PER1: variants seen among roughly 807,000 people sequenced by gnomAD.
The protein encoded by PER1 is period circadian protein homolog 1.
In PER1, 87 loss-of-function variants were observed where a neutral mutation model predicts 125.9. The observed-to-expected ratio is 0.69, with a 90% CI of 0.58 to 0.83. The LOEUF (loss-of-function observed/expected upper bound fraction) is 0.83. Ranked by LOEUF, PER1 falls within the 40% of genes least tolerant of loss-of-function variation. The pLI, the probability that PER1 is intolerant of heterozygous loss-of-function variation, is 0.00. For missense variants in PER1, 1,775 were observed against 1,722.8 expected, an observed-to-expected ratio of 1.03 and a Z score of -0.54; for synonymous variants, 801 against 714.7, an observed-to-expected ratio of 1.12 and a Z score of -1.93.
At chr17:8,145,923 A>T in intron 17 of PER1, 35 bp downstream of exon 17, 1 of 1,554,534 alleles carries the variant, frequency 6.4e-7, no homozygotes, top group Non-Finnish European at 8.7e-7. Flanking sequence ...AGACCGGTGG[A>T]GCCCAAGCAC....
chr17:8,148,730 TA>T lies in PER1; in HGVS notation c.961del (p.Tyr321MetfsTer2). ...ATCTGAGACCCGGATCTTGGTCACA[TA>T]CGGGGTTAGGCGGAATGGCTGGTAC... is the stretch of plus-strand genomic sequence containing the variant. ...PRYQPFRLTP[Y>X]VTKIRVSDGA... On this transcript the variant is annotated frameshift_variant, in exon 8 of 23. Transcript: ENST00000317276. LOFTEE classifies it high-confidence loss of function. 2 of 1,613,916 alleles carry T rather than the reference TA, an allele frequency of 1.2e-6. No homozygotes were observed. The highest frequency in any genetic ancestry group is 1.7e-6 in the Non-Finnish European group (2 of 1,179,924).
chr17:8,144,427 C>T, intron 18 of PER1: 1 of 466,436 alleles, frequency 2.1e-6, no homozygotes, highest in Non-Finnish European at 3.8e-6. Context: ...ATGCATGTCT[C>T]TTCATCAGTG....
Position 8,149,670 on chromosome 17 carries a change from G to A in PER1, c.652-7C>T. Reference sequence around the variant, plus strand: ...CAGCCACTGAGAAGGTATCCTGGCAGGAGGGGGAGAGCAAGAGCAGATTCA... The same window carrying A: ...CAGCCACTGAGAAGGTATCCTGGCAAGAGGGGGAGAGCAAGAGCAGATTCA... On this transcript the variant is annotated splice_polypyrimidine_tract_variant and splice_region_variant and intron_variant, in intron 5 of 22. Transcript: ENST00000317276. 1 of 1,609,764 alleles carries A rather than the reference G, an allele frequency of 6.2e-7. No homozygotes were observed. The highest frequency in any genetic ancestry group is 8.5e-7 in the Non-Finnish European group (1 of 1,176,304).
chr17:8,141,289 G>T lies in PER1; in HGVS notation c.3652C>A (p.Pro1218Thr). 1.2e-6 allele frequency: 2 copies of T among 1,613,856 alleles called. No individual in the cohort carries two copies. The highest frequency in any genetic ancestry group is 2.2e-5 in the South Asian group (2 of 91,084). ...AGTCCATCCAGCTCTGAGAAGAGTG[G>T]GTCATCAGGGTGACCAGGATCTTGG... ...STQDPGHPDD[P>T]LFSELDGLGL... Residue 1218 changes from proline to threonine, a missense_variant, in exon 23 of 23, where the codon CCA becomes ACA. Transcript: ENST00000317276.
chr17:8,143,780 G>A lies in PER1; in HGVS notation c.2558C>T (p.Pro853Leu). ...GGGTGAGGGGTGTGAGACATAGCAG[G>A]GCGCTTCAGCCCGAGGGTTCTGGTG... ...RHHQNPRAEA[P>L]CYVSHPSPVP... The change falls in exon 19 of 23, where the codon CCC becomes CTC. Residue 853 changes from proline to leucine, a missense_variant. Transcript: ENST00000317276. The A allele has an allele frequency of 1.9e-6, 3 of 1,606,768 alleles. No homozygotes were observed. Among genetic ancestry groups the A allele is most frequent in the Non-Finnish European group, 2.6e-6 (3 of 1,175,712 alleles).
chr17:8,145,241 G>A (rs1281209739), intron 17 of PER1: 9 of 379,976 alleles, frequency 2.4e-5, no homozygotes, highest in Admixed American at 4.5e-5. Flanking sequence ...TCCCTGCCAG[G>A]AACTCTACTG....
chr17:8,147,042 G>T, intron 13 of PER1, 40 bp from the exon 14 acceptor site: 1 of 1,546,478 alleles, frequency 6.5e-7, no homozygotes, highest in Non-Finnish European at 8.9e-7. Flanking sequence ...ACCAGGGGGT[G>T]TCGCCAGTGT....
intron 21 of PER1, 92 bp from the exon 22 acceptor site, chr17:8,142,047 C>T (rs1340121124): frequency 1.3e-6 from 2 of 1,502,802 alleles, no homozygotes; most frequent in Admixed American, 3.5e-5. Flanking sequence ...CCACAGCTTC[C>T]CACCTCATGC....
intron 6 of PER1, 60 bp from the exon 7 acceptor site, chr17:8,149,370 A>T (rs961424357): frequency 6.2e-7 from 1 of 1,607,184 alleles, no homozygotes; most frequent in African/African-American, 1.3e-5. Flanking sequence ...GCTGCGAAGA[A>T]TCCACTAAGG....
At chr17:8,142,596 C>CG (rs1982151136) in intron 20 of PER1, 53 bp downstream of exon 20, 1 of 1,595,278 alleles carries the variant, frequency 6.3e-7, no homozygotes, top group African/African-American at 1.3e-5. Context: ...CCTGGGCTCC[C>CG]GGCTCCCCAA....
rs776345102 is a variant in PER1, at chr17:8,141,299, G to A, written c.3642C>T (p.His1214=). ...DCGSSTQDPG[H]PDDPLFSELD... Reference sequence around the variant, plus strand: ...GCTCTGAGAAGAGTGGGTCATCAGGGTGACCAGGATCTTGGGTGCTGCTCC... The same window carrying A: ...GCTCTGAGAAGAGTGGGTCATCAGGATGACCAGGATCTTGGGTGCTGCTCC... The change falls in exon 23 of 23, where the codon CAC becomes CAT. Residue 1214 remains histidine, a synonymous_variant. Coordinates refer to ENST00000317276, the MANE Select transcript of PER1 (RefSeq NM_002616.3). 4 of 1,613,704 alleles carry A rather than the reference G, an allele frequency of 2.5e-6. No homozygotes were observed. In the South Asian group the frequency reaches 4.4e-5, roughly 18 times the overall value.
chr17:8,142,841 G>A lies in PER1; in HGVS notation c.3073-6C>T, dbSNP rs372754700. The A allele has an allele frequency of 1.0e-4, 164 of 1,586,404 alleles. No homozygotes were observed. The highest frequency in any genetic ancestry group is 1.3e-4 in the Non-Finnish European group (150 of 1,169,482). ...GAGGACTCAGTGACCTCCGCCTGGAGGAGGGGAGGGGGGCAAGGAGGGATG... is the reference window on the plus strand; with the variant it reads ...GAGGACTCAGTGACCTCCGCCTGGAAGAGGGGAGGGGGGCAAGGAGGGATG... On this transcript the variant is annotated splice_region_variant and splice_polypyrimidine_tract_variant and intron_variant, in intron 19 of 22. Transcript: ENST00000317276.
chr17:8,151,825 C>G (rs1038671784), intron 1 of PER1, among the ~76,000 whole-genome samples: 2 of 152,136 alleles, frequency 1.3e-5, no homozygotes, highest in Non-Finnish European at 2.9e-5. Context: ...TCCCCTACTC[C>G]CCGTCCAACC....
In PER1 at chr17:8,144,736, G is replaced by T. The variant is rs531017521; in HGVS notation, c.2461+15C>A. 6.4e-7 allele frequency: 1 copy of T among 1,555,552 alleles called. No homozygotes were observed. Among genetic ancestry groups the T allele is most frequent in the South Asian group, 1.2e-5 (1 of 84,710 alleles). On this transcript the variant is annotated intron_variant, in intron 18 of 22. Coordinates refer to ENST00000317276, the MANE Select transcript of PER1 (RefSeq NM_002616.3). ...CTGGGCAGAGGGCAGGCTCCAGGAG[G>T]CCCCAGGTGGCTACCTCGCTCGCCA...
chr17:8,142,223 T>G (rs766925550), intron 21 of PER1, 46 bp downstream of exon 21: 1 of 1,481,522 alleles, frequency 6.7e-7, no homozygotes, highest in Non-Finnish European at 9.1e-7. Context: ...CTGCCCCCAC[T>G]ACTACCTCTG....
Position 8,148,988 on chromosome 17 carries a change from A to T in PER1, c.906-202T>A, listed in dbSNP as rs186699220. Reference sequence around the variant, plus strand: ...CGGATCACCTGAGGTCAGGAGTTCGAGACCAGCCTGGCCAACATGGTGAAA... The same window carrying T: ...CGGATCACCTGAGGTCAGGAGTTCGTGACCAGCCTGGCCAACATGGTGAAA... On this transcript the variant is annotated intron_variant, in intron 7 of 22. Transcript: ENST00000317276. The T allele has an allele frequency of 1.2e-3, 799 of 641,866 alleles. 4 individuals are homozygous for T. The African/African-American group carries it at 0.013, about 11-fold the overall frequency. 39.8% of individuals were successfully genotyped at this position (641,866 alleles called of 1,614,324 possible).
chr17:8,144,926 G>A lies in PER1; in HGVS notation c.2286C>T (p.Pro762=), dbSNP rs1982329797. The part of the protein sequence containing the change: ...PGPAPSPAPS[P]TVAPDPAPDA... Reference sequence around the variant, plus strand: ...CTGGGGCTGGGTCAGGGGCTACTGTGGGGCTGGGGGCTGGGCTGGGGGCTG... The same window carrying A: ...CTGGGGCTGGGTCAGGGGCTACTGTAGGGCTGGGGGCTGGGCTGGGGGCTG... The change falls in exon 18 of 23, where the codon CCC becomes CCT. Residue 762 remains proline (P), a synonymous_variant. Transcript: ENST00000317276. The A allele has an allele frequency of 6.6e-7, 1 of 1,526,168 alleles. No individual in the cohort carries two copies. 94.5% of individuals were successfully genotyped at this position (1,526,168 alleles called of 1,614,324 possible).
At position 8,147,359 on chromosome 17, in the gene PER1, G is replaced by C; in HGVS notation, c.1520C>G (p.Thr507Arg). ...LLQPVHSPSP[T>R]GLCGVGAVTS... is the part of the protein sequence containing the mutation. ...CACGGCGCCGACTCCACAGAGTCCCGTGGGGCTGGGGCTGTGGACGGGCTG... is the reference window on the plus strand; with the variant it reads ...CACGGCGCCGACTCCACAGAGTCCCCTGGGGCTGGGGCTGTGGACGGGCTG... The change falls in exon 13 of 23, where the codon ACG becomes AGG. Residue 507 changes from threonine (T) to arginine (R), a missense_variant. Physicochemically the swap from Thr to Arg is moderately conservative, Grantham distance 71. Coordinates refer to ENST00000317276, the MANE Select transcript of PER1 (RefSeq NM_002616.3). The C allele has an allele frequency of 6.2e-7, 1 of 1,613,770 alleles. No homozygotes were observed. The highest frequency in any genetic ancestry group is 1.3e-5 in the African/African-American group (1 of 75,000).
chr17:8,141,041 C>CT lies in PER1; in HGVS notation c.*26dup. On this transcript the variant is annotated 3_prime_UTR_variant, in exon 23 of 23. Transcript: ENST00000317276. ...ATAGGAGAAGAAAGCCTCTCATGGA[C>CT]TCCTGGAGATGGTCCCAGAATGGAG... is the stretch of plus-strand genomic sequence containing the variant. 6.3e-7 allele frequency: 1 copy of CT among 1,590,734 alleles called. No individual in the cohort carries two copies. The highest frequency in any genetic ancestry group is 8.6e-7 in the Non-Finnish European group (1 of 1,165,944).
Sources: gnomAD v4.1 joint callset for allele counts (sites outside exome capture counted in the v4.1 genomes callset) on GRCh38, gnomAD v4.1.1 for gene constraint, MANE v1.5 for transcripts, NCBI Gene and HGNC (gene_info 2026-07-23, HGNC 2026-07-21) for gene names.